UTRN: variants seen among roughly 807,000 people sequenced by gnomAD.
UTRN encodes dystrophin-related protein 1.
A neutral mutation model predicts 463.9 loss-of-function variants in UTRN; 283 were observed. The ratio of observed to expected loss-of-function variants is 0.61; its 90% CI spans 0.55 to 0.67. UTRN has a LOEUF of 0.67. Among genes scored for constraint, UTRN ranks in the 30% least tolerant of loss-of-function variants. The pLI is 0.00. For missense variants in UTRN, 3,922 were observed against 4,084.3 expected (o/e 0.96, Z 1.08); for synonymous variants, 1,442 against 1,431.5 (o/e 1.01, Z -0.17).
intron 16 of UTRN, 132 bp downstream of exon 16, chr6:144,447,913 G>A: frequency 1.3e-6 from 1 of 773,704 alleles, no homozygotes; most frequent in Non-Finnish European, 1.9e-6. Context: ...ATTGACATGT[G>A]AAAATCACCT....
intron 53 of UTRN, among the ~76,000 whole-genome samples, chr6:144,714,925 C>A (rs1377383639): frequency 1.3e-5 from 2 of 152,162 alleles, no homozygotes; most frequent in Admixed American, 1.3e-4. Flanking sequence ...GTTTTTCTTA[C>A]GTCACTGGTA....
intron 2 of UTRN, among the ~76,000 whole-genome samples, chr6:144,334,197 G>A (rs1418104570): frequency 6.6e-6 from 1 of 151,890 alleles, no homozygotes; most frequent in Non-Finnish European, 1.5e-5. Context: ...GGTGCTTTGA[G>A]TGTCTTAATT....
At chr6:144,338,061 C>T (rs1776872904) in intron 2 of UTRN, among the ~76,000 whole-genome samples, 1 of 152,130 alleles carries the variant, frequency 6.6e-6, no homozygotes, top group Admixed American at 6.5e-5. Context: ...TATCTTCATG[C>T]TTTGGAAAAA....
At chr6:144,504,733 G>C (rs1464566904) in intron 34 of UTRN, among the ~76,000 whole-genome samples, 1 of 151,702 alleles carries the variant, frequency 6.6e-6, no homozygotes, top group Non-Finnish European at 1.5e-5. Context: ...TTTTTGTTTT[G>C]TCTCTGCCAG....
intron 2 of UTRN, among the ~76,000 whole-genome samples, chr6:144,357,652 C>T (rs1433476065): frequency 6.6e-6 from 1 of 152,212 alleles, no homozygotes; most frequent in African/African-American, 2.4e-5. Flanking sequence ...TAAAAATCCC[C>T]CCACTTTAGA....
chr6:144,304,992 C>T (rs1234298019), intron 2 of UTRN, among the ~76,000 whole-genome samples: 4 of 150,140 alleles, frequency 2.7e-5, no homozygotes, highest in South Asian at 4.2e-4. Flanking sequence ...AGTGCAATGG[C>T]GCGATCTCGG....
At chr6:144,590,429 A>G (rs1308511261) in intron 51 of UTRN, among the ~76,000 whole-genome samples, 2 of 152,162 alleles carry the variant, frequency 1.3e-5, no homozygotes, top group East Asian at 3.8e-4. Flanking sequence ...CCATACCCAC[A>G]TGTAGTTTTT....
intron 33 of UTRN, among the ~76,000 whole-genome samples, chr6:144,497,136 G>A (rs1047899692): frequency 4.6e-5 from 7 of 152,158 alleles, no homozygotes; most frequent in Non-Finnish European, 7.4e-5. Context: ...CTGCATTTTG[G>A]AAGAGGAATT....
rs142352420 is a variant in UTRN, at chr6:144,578,379, G to A, written c.7479+1091G>A. ...TTTGTTGTTGTTGTTTTGTTGCCCA[G>A]GCTGGAGTGTAGTGGTGCAATCTCA... On this transcript the variant is annotated intron_variant, in intron 51 of 74. Transcript: ENST00000367545. Among the ~76,000 whole-genome samples, 585 of 152,230 alleles carry A rather than the reference G, an allele frequency of 3.8e-3. 1 individual carries two copies. The highest frequency in any genetic ancestry group is 0.014 in the African/African-American group (567 of 41,548).
At chr6:144,685,316 T>C (rs926421087) in intron 52 of UTRN, among the ~76,000 whole-genome samples, 5 of 152,204 alleles carry the variant, frequency 3.3e-5, no homozygotes, top group Non-Finnish European at 5.9e-5. Flanking sequence ...TCTTTGCAAT[T>C]GTGGATTGTG....
chr6:144,547,302 A>G (rs1798502838), intron 46 of UTRN, among the ~76,000 whole-genome samples: 1 of 152,220 alleles, frequency 6.6e-6, no homozygotes, highest in Admixed American at 6.5e-5. Flanking sequence ...GGGCATTGCA[A>G]ATACCATCTC....
intron 2 of UTRN, among the ~76,000 whole-genome samples, chr6:144,296,710 G>A (rs1471055179): frequency 6.6e-6 from 1 of 152,134 alleles, no homozygotes; most frequent in Non-Finnish European, 1.5e-5. Context: ...TTCATTTTGT[G>A]CCTAATTCTG....
In UTRN at chr6:144,479,368, C is replaced by T. The variant is rs146114108; in HGVS notation, c.3337-444C>T. On this transcript the variant is annotated intron_variant, in intron 25 of 74. Coordinates refer to ENST00000367545, the MANE Select transcript of UTRN (RefSeq NM_007124.3). ...TCCTGACCTCAGGTGATCCCCCTGCCGTGGCCTCCCAAAGTGCTGGGATTA... is the reference window on the plus strand; with the variant it reads ...TCCTGACCTCAGGTGATCCCCCTGCTGTGGCCTCCCAAAGTGCTGGGATTA... Among the ~76,000 whole-genome samples, 880 of 152,194 alleles carry T rather than the reference C, an allele frequency of 5.8e-3. 13 individuals are homozygous for T. Among genetic ancestry groups the T allele is most frequent in the African/African-American group, 0.02 (835 of 41,512 alleles).
At chr6:144,563,983 C>T (rs918292432) in intron 50 of UTRN, among the ~76,000 whole-genome samples, 1 of 152,114 alleles carries the variant, frequency 6.6e-6, no homozygotes, top group African/African-American at 2.4e-5. Flanking sequence ...ACAATGCCCA[C>T]AGTCTTTGTT....
intron 51 of UTRN, among the ~76,000 whole-genome samples, chr6:144,595,511 C>G (rs1803552825): frequency 6.6e-6 from 1 of 152,146 alleles, no homozygotes; most frequent in African/African-American, 2.4e-5. Flanking sequence ...GGGCACACAG[C>G]CAGCTTCCAT....
At chr6:144,532,300 T>TG (rs1210537332) in intron 42 of UTRN, among the ~76,000 whole-genome samples, 1 of 152,184 alleles carries the variant, frequency 6.6e-6, no homozygotes, top group Non-Finnish European at 1.5e-5. Context: ...AAGACATACC[T>TG]GAGACTGGGT....
chr6:144,328,992 C>T (rs772790641), intron 2 of UTRN, among the ~76,000 whole-genome samples: 13 of 151,818 alleles, frequency 8.6e-5, no homozygotes, highest in Non-Finnish European at 1.3e-4. Context: ...ACCATGTTGG[C>T]CAGCCTGATC....
chr6:144,500,736 A>G (rs529707802), intron 34 of UTRN, among the ~76,000 whole-genome samples: 1 of 152,322 alleles, frequency 6.6e-6, no homozygotes, highest in African/African-American at 2.4e-5. Flanking sequence ...AAATCAATAC[A>G]AGAGTTTTCT....
intron 51 of UTRN, among the ~76,000 whole-genome samples, chr6:144,624,391 C>T (rs1333172205): frequency 2.0e-5 from 3 of 152,120 alleles, no homozygotes; most frequent in Non-Finnish European, 2.9e-5. Context: ...CCAGGCACGA[C>T]GACAGTAAGA....
Sources: allele counts gnomAD v4.1 joint callset (sites outside exome capture counted in the v4.1 genomes callset), GRCh38; gene constraint gnomAD v4.1.1; transcripts MANE v1.5; gene names NCBI Gene and HGNC (gene_info 2026-07-23, HGNC 2026-07-21).